Variants in RAP1A observed in about 807,000 individuals in gnomAD.
The protein encoded by RAP1A is RAP1A, member of RAS oncogene family, also known as ras-related protein Rap-1A.
Under a neutral mutation model 26.4 loss-of-function variants are expected in RAP1A, and 6 were observed. The observed-to-expected ratio is 0.23, with a 90% confidence interval of 0.12 to 0.45. The LOEUF (loss-of-function observed/expected upper bound fraction) is 0.45, where lower values mean the gene tolerates loss of function less well. Among genes scored for constraint, RAP1A ranks in the 20% least tolerant of loss-of-function variants. RAP1A has a pLI of 0.99. For missense variants in RAP1A, 121 were observed against 217.2 expected, an observed-to-expected ratio of 0.56 and a Z score of 2.78; for synonymous variants, 73 against 79.4, an observed-to-expected ratio of 0.92 and a Z score of 0.43.
At chr1:111,632,813 C>T (rs1328573920) in intron 1 of RAP1A, among the ~76,000 whole-genome samples, 2 of 150,324 alleles carry the variant, frequency 1.3e-5, no homozygotes. Flanking sequence ...CCCAGCTACT[C>T]AGGAGGCTGA....
chr1:111,625,853 G>A (rs536958248), intron 1 of RAP1A, among the ~76,000 whole-genome samples: 7 of 150,038 alleles, frequency 4.7e-5, no homozygotes, highest in African/African-American at 1.5e-4. Flanking sequence ...TATCACCCAC[G>A]CTGTTCTCCA....
At chr1:111,635,630 A>G (rs778963360) in intron 1 of RAP1A, among the ~76,000 whole-genome samples, 10 of 152,194 alleles carry the variant, frequency 6.6e-5, no homozygotes, top group East Asian at 1.9e-4. Context: ...AGTGGCTGCA[A>G]TCTCTGCTCA....
At chr1:111,572,523 G>A (rs1028033286) in intron 1 of RAP1A, among the ~76,000 whole-genome samples, 29 of 152,280 alleles carry the variant, frequency 1.9e-4, no homozygotes, top group African/African-American at 6.3e-4. Context: ...CAATAGGCTG[G>A]ACCAGATTAT....
At position 111,569,391 on chromosome 1, in the gene RAP1A, CAAA is replaced by C. The variant is rs34387699; in HGVS notation, c.-28+26899_-28+26901del. ...TCCAGACAGAGTGAGACTCCGTCTC[CAAA>C]AAAAAAAAAAAAAAAAGTTACACTT... is the stretch of plus-strand genomic sequence containing the variant. On this transcript the variant is annotated intron_variant, in intron 1 of 7. Transcript: ENST00000356415. Among the ~76,000 whole-genome samples, 1,353 of 104,462 alleles carry C rather than the reference CAAA, an allele frequency of 0.013. 120 individuals are homozygous for C. In the East Asian group the frequency reaches 0.25, roughly 19 times the overall value. The allele number at this position is 104,462 out of a possible 152,430, so 68.5% of individuals were successfully genotyped here. A position where few individuals can be genotyped will look rare whatever the true frequency, so the allele number is the denominator to read the frequency against.
upstream of RAP1A, among the ~76,000 whole-genome samples, chr1:111,616,630 C>G (rs764270603): frequency 4.6e-5 from 7 of 152,290 alleles, no homozygotes; most frequent in Admixed American, 2.6e-4. Context: ...AGCTTAAATT[C>G]CAAGGTCTAT....
intron 1 of RAP1A, among the ~76,000 whole-genome samples, chr1:111,659,461 A>G (rs958526429): frequency 2.0e-5 from 3 of 151,626 alleles, no homozygotes; most frequent in African/African-American, 7.3e-5. Flanking sequence ...TGGGTTTCTT[A>G]TAGACAACAT....
Position 111,619,903 on chromosome 1 carries a change from G to A in RAP1A, c.-59G>A, listed in dbSNP as rs184244796. On this transcript the variant is annotated 5_prime_UTR_variant, in exon 1 of 8. Transcript: ENST00000369709. ...AGGAGGAGGAGGAGGTGGAGGAGGT[G>A]GAGGAGGTGGAGGAGGCGCCGGACC... 7.5e-6 allele frequency: 3 copies of A among 399,154 alleles called. No individual in the cohort carries two copies. The highest frequency in any genetic ancestry group is 8.8e-6 in the Non-Finnish European group (2 of 226,612). 24.7% of individuals were successfully genotyped at this position (399,154 alleles called of 1,614,324 possible). A position where few individuals can be genotyped will look rare whatever the true frequency, so the allele number is the denominator to read the frequency against.
At chr1:111,647,883 A>G (rs1169428701) in intron 1 of RAP1A, among the ~76,000 whole-genome samples, 1 of 152,104 alleles carries the variant, frequency 6.6e-6, no homozygotes, top group East Asian at 1.9e-4. Flanking sequence ...TAGAATGTTT[A>G]GTCATAGGTA....
Position 111,592,718 on chromosome 1 carries a change from G to T in RAP1A, c.-28+50209G>T, listed in dbSNP as rs146588455. ...TTAATCAAAGCACTGTTTCCTTCCC[G>T]TTGTTGCTTTTGGAATGGCCTTGTT... On this transcript the variant is annotated intron_variant, in intron 1 of 7. Coordinates refer to the RAP1A transcript ENST00000356415. 5.3e-3 allele frequency among the ~76,000 whole-genome samples: 807 copies of T among 152,172 alleles called. 4 individuals carry two copies. The highest frequency in any genetic ancestry group is 6.7e-3 in the Non-Finnish European group (457 of 67,998).
At position 111,608,335 on chromosome 1, in the gene RAP1A, G is replaced by A. The variant is rs574921050; in HGVS notation, c.-28+65826G>A. On this transcript the variant is annotated intron_variant, in intron 1 of 7. Coordinates refer to the RAP1A transcript ENST00000356415. ...GGGCAGAGACGCTCCTCACTTCCTA[G>A]ATGGGATGGCGACCGGGAAGAGGCG... The A allele has an allele frequency of 8.7e-3, 1,457 of 167,598 alleles. 4 individuals carry two copies. The highest frequency in any genetic ancestry group is 0.015 in the Non-Finnish European group (1,136 of 75,944). 10.4% of individuals were successfully genotyped at this position (167,598 alleles called of 1,614,324 possible). A position where few individuals can be genotyped will look rare whatever the true frequency, so the allele number is the denominator to read the frequency against.
At chr1:111,601,284 C>G (rs893227744) in intron 1 of RAP1A, among the ~76,000 whole-genome samples, 6 of 152,108 alleles carry the variant, frequency 3.9e-5, no homozygotes, top group Non-Finnish European at 7.4e-5. Context: ...ACCGATTGTC[C>G]TGGGTGTCCA....
intron 6 of RAP1A, among the ~76,000 whole-genome samples, chr1:111,706,059 A>ACT (rs1662180412): frequency 6.6e-6 from 1 of 152,200 alleles, no homozygotes; most frequent in African/African-American, 2.4e-5. Context: ...CAGCAGAGAT[A>ACT]CTTTTTCATA....
At chr1:111,548,103 C>A (rs939231190) in intron 1 of RAP1A, among the ~76,000 whole-genome samples, 9 of 152,222 alleles carry the variant, frequency 5.9e-5, no homozygotes, top group African/African-American at 2.2e-4. Context: ...TCACTGCAAC[C>A]TCCACCTCCT....
chr1:111,716,149 A>G lies in RAP1A; in HGVS notation c.*3748A>G, dbSNP rs1234519345. ...TTTAAGGTGCTAAATATGTGTTAAAATATCCCCTCTTGAATCAGCTCCAGG... is the reference window on the plus strand; with the variant it reads ...TTTAAGGTGCTAAATATGTGTTAAAGTATCCCCTCTTGAATCAGCTCCAGG... On this transcript the variant is annotated 3_prime_UTR_variant, in exon 8 of 8. Transcript: ENST00000369709. 1 of 152,234 alleles carries G rather than the reference A, an allele frequency of 6.6e-6. No individual in the cohort carries two copies. The highest frequency in any genetic ancestry group is 1.5e-5 in the Non-Finnish European group (1 of 68,044). 9.4% of individuals were successfully genotyped at this position (152,234 alleles called of 1,614,324 possible).
intron 1 of RAP1A, among the ~76,000 whole-genome samples, chr1:111,603,995 G>A (rs1658722594): frequency 6.6e-6 from 1 of 152,186 alleles, no homozygotes; most frequent in African/African-American, 2.4e-5. Flanking sequence ...AGTATAAAAG[G>A]AAAAGTTTGC....
intron 1 of RAP1A, among the ~76,000 whole-genome samples, chr1:111,576,030 C>A (rs895063269): frequency 6.6e-6 from 1 of 152,188 alleles, no homozygotes; most frequent in Non-Finnish European, 1.5e-5. Context: ...GAAAACTGAA[C>A]CTGCCCTGCA....
At position 111,592,949 on chromosome 1, in the gene RAP1A, G is replaced by T. The variant is rs369900131; in HGVS notation, c.-28+50440G>T. Among the ~76,000 whole-genome samples, 12 of 152,294 alleles carry T rather than the reference G, an allele frequency of 7.9e-5. 1 individual carries two copies. The highest frequency in any genetic ancestry group is 5.8e-4 in the East Asian group (3 of 5,182). ...AATGAGTCACCACACTTCCACAGAA[G>T]AGCTCTGAGGATCAGTGGGTGTGTT... is the stretch of plus-strand genomic sequence containing the variant. On this transcript the variant is annotated intron_variant, in intron 1 of 7. Coordinates refer to the RAP1A transcript ENST00000356415.
At chr1:111,636,430 C>A (rs1557873348) in intron 1 of RAP1A, among the ~76,000 whole-genome samples, 1 of 151,888 alleles carries the variant, frequency 6.6e-6, no homozygotes, top group Admixed American at 6.6e-5. Flanking sequence ...GTCTTGCGCC[C>A]AGTGGAGATA....
chr1:111,657,783 G>A (rs1432852199), intron 1 of RAP1A, among the ~76,000 whole-genome samples: 1 of 151,884 alleles, frequency 6.6e-6, no homozygotes, highest in Non-Finnish European at 1.5e-5. Context: ...ATTTATTTCT[G>A]GACTGTCTTA....
Sources: gnomAD v4.1 joint callset for allele counts (sites outside exome capture counted in the v4.1 genomes callset) on GRCh38, gnomAD v4.1.1 for gene constraint, MANE v1.5 for transcripts, NCBI Gene and HGNC (gene_info 2026-07-23, HGNC 2026-07-21) for gene names.